MS4A2: variants seen among roughly 807,000 people sequenced by gnomAD.
The protein encoded by MS4A2 is membrane spanning 4-domains A2.
In MS4A2, 26 loss-of-function variants were observed where a neutral mutation model predicts 27.9. That is an observed-to-expected ratio of 0.93 (90% confidence interval 0.68 to 1.29). MS4A2 has a LOEUF of 1.29. Ranked by LOEUF, MS4A2 falls within the 50% of genes most tolerant of loss-of-function variation. The pLI, the probability that MS4A2 is intolerant of heterozygous loss-of-function variation, is 0.00. For missense variants in MS4A2, 284 were observed against 284.6 expected, an observed-to-expected ratio of 1.00 and a Z score of 0.01; for synonymous variants, 110 against 98.8, an observed-to-expected ratio of 1.11 and a Z score of -0.67.
rs557892534 is a variant in MS4A2 at position 60,093,081 on chromosome 11, G to A, written c.378+233G>A. On this transcript the variant is annotated intron_variant, in intron 4 of 6. Transcript: ENST00000278888. ...CAATGAAGTTTATGTTTACCTTGAC[G>A]TTTCTTCTAAAAAAAGTGTCCTCAC... is the stretch of plus-strand genomic sequence containing the variant. Among the ~76,000 whole-genome samples, 7 of 152,144 alleles carry A rather than the reference G, an allele frequency of 4.6e-5. No individual in the cohort carries two copies. The South Asian group carries it at 1.0e-3, about 23-fold the overall frequency.
At chr11:60,090,046 G>T (rs755544243) in intron 2 of MS4A2, among the ~76,000 whole-genome samples, 3 of 152,118 alleles carry the variant, frequency 2.0e-5, no homozygotes, top group Admixed American at 6.6e-5. Flanking sequence ...AGGAGTGAAG[G>T]ATTCATAATC....
Position 60,093,500 on chromosome 11 carries a change from A to G in MS4A2, c.479A>G (p.His160Arg), listed in dbSNP as rs1855807602. 6.2e-7 allele frequency: 1 copy of G among 1,614,218 alleles called. No individual in the cohort carries two copies. Among genetic ancestry groups the G allele is most frequent in the Non-Finnish European group, 8.5e-7 (1 of 1,180,042 alleles). Residue 160 changes from histidine (H) to arginine (R), a missense_variant, in exon 5 of 7, where the codon CAC becomes CGC. His to Arg is a conservative substitution (Grantham distance 29). Coordinates refer to ENST00000278888, the MANE Select transcript of MS4A2 (RefSeq NM_000139.5). ...CTGAAGAAGAGCTTGGCCTATATCC[A>G]CATCCACAGTTGCCAGAAATTTTTT... Reference protein sequence around the residue: ...INLKKSLAYIHIHSCQKFFET... With the variant: ...INLKKSLAYIRIHSCQKFFET...
rs1565073169 is a variant in MS4A2, at chr11:60,088,665, A to G, written c.-101A>G. On this transcript the variant is annotated 5_prime_UTR_variant, in exon 1 of 7. Transcript: ENST00000278888. ...AGAGAATCATCAATGTCATGAGGTA[A>G]CCCATTTCAACTGCCTATTCAGAGC... 1 of 1,549,656 alleles carries G rather than the reference A, an allele frequency of 6.5e-7. No homozygotes were observed. The highest frequency in any genetic ancestry group is 8.7e-7 in the Non-Finnish European group (1 of 1,146,084).
In MS4A2 at chr11:60,090,445, G is replaced by T. The variant is rs1262151486; in HGVS notation, c.296G>T (p.Gly99Val). ...EGDIFSSFKA[G>V]YPFWGAIFFS... is the part of the protein sequence containing the mutation. ...GACATTTTTTCATCATTTAAAGCAG[G>T]TTATCCATTCTGGGGAGCCATATTT... The change falls in exon 3 of 7, where the codon GGT becomes GTT. Residue 99 changes from glycine to valine, a missense_variant. By Grantham distance (109) the Gly-to-Val change is moderately radical. Coordinates refer to ENST00000278888, the MANE Select transcript of MS4A2 (RefSeq NM_000139.5). The T allele has an allele frequency of 1.9e-6, 3 of 1,613,088 alleles. No homozygotes were observed. Among genetic ancestry groups the T allele is most frequent in the Non-Finnish European group, 1.7e-6 (2 of 1,179,842 alleles).
Position 60,095,564 on chromosome 11 carries a change from G to C in MS4A2, c.643G>C (p.Glu215Gln). ...ATGATTTTTCCCTTATCAGGTTCCA[G>C]AGGATCGTGTTTATGAAGAATTAAA... ...GEELKGNKVP[E>Q]DRVYEELNIY... The change falls in exon 7 of 7, where the codon GAG becomes CAG. Residue 215 changes from glutamate (E) to glutamine (Q), a missense_variant. Transcript: ENST00000278888. The C allele has an allele frequency of 6.2e-7, 1 of 1,606,994 alleles. No individual in the cohort carries two copies. Among genetic ancestry groups the C allele is most frequent in the Non-Finnish European group, 8.5e-7 (1 of 1,173,542 alleles).
chr11:60,094,048 C>T lies in MS4A2; in HGVS notation c.622C>T (p.Leu208Phe), dbSNP rs761020841. Residue 208 changes from leucine to phenylalanine, a missense_variant, in exon 6 of 7, where the codon CTC (leucine) becomes TTC (phenylalanine). Transcript: ENST00000278888. ...CACAATCTGTGGAGCTGGGGAAGAA[C>T]TCAAAGGAAACAAGGTAGATAGAAG... Reference protein sequence around the residue: ...SLTICGAGEELKGNKVPEDRV... With the variant: ...SLTICGAGEEFKGNKVPEDRV... The T allele has an allele frequency of 3.1e-6, 5 of 1,612,590 alleles. No individual in the cohort carries two copies. The highest frequency in any genetic ancestry group is 2.2e-5 in the East Asian group (1 of 44,866).
rs1465309647 is a variant in MS4A2, at chr11:60,092,656, T to C, written c.322-136T>C. ...TATAGAAAATAAGAATAAGAAAATATTGGGCTCACAGGTGACATTAATAAG... is the reference window on the plus strand; with the variant it reads ...TATAGAAAATAAGAATAAGAAAATACTGGGCTCACAGGTGACATTAATAAG... On this transcript the variant is annotated intron_variant, in intron 3 of 6. Coordinates refer to ENST00000278888, the MANE Select transcript of MS4A2 (RefSeq NM_000139.5). The C allele has an allele frequency of 5.5e-6, 4 of 729,122 alleles. No homozygotes were observed. The African/African-American group carries it at 7.1e-5, about 13-fold the overall frequency. 45.2% of individuals were successfully genotyped at this position (729,122 alleles called of 1,614,324 possible). A position where few individuals can be genotyped will look rare whatever the true frequency, so the allele number is the denominator to read the frequency against.
Position 60,096,024 on chromosome 11 carries a change from GTTT to G in MS4A2, c.*381_*383del, listed in dbSNP as rs5792168. 8.2e-4 allele frequency: 179 copies of G among 218,666 alleles called. No homozygotes were observed. The highest frequency in any genetic ancestry group is 2.3e-3 in the South Asian group (38 of 16,230). The allele number at this position is 218,666 out of a possible 1,614,324, so 13.5% of individuals were successfully genotyped here. Reference sequence around the variant, plus strand: ...AGTTTGATAATATTTGGTTCTTAGGGTTTTTTTTTTTTTTTAGCATTCTTAATA... The same window carrying G: ...AGTTTGATAATATTTGGTTCTTAGGGTTTTTTTTTTTTAGCATTCTTAATA... On this transcript the variant is annotated 3_prime_UTR_variant, in exon 7 of 7. Coordinates refer to ENST00000278888, the MANE Select transcript of MS4A2 (RefSeq NM_000139.5).
rs1177456640 is a variant in MS4A2 at position 60,095,819 on chromosome 11, C to A, written c.*163C>A. 1.5e-6 allele frequency: 1 copy of A among 646,480 alleles called. No homozygotes were observed. The highest frequency in any genetic ancestry group is 1.8e-5 in the South Asian group (1 of 56,998). The allele number at this position is 646,480 out of a possible 1,614,324, so 40.0% of individuals were successfully genotyped here. A position where few individuals can be genotyped will look rare whatever the true frequency, so the allele number is the denominator to read the frequency against. On this transcript the variant is annotated 3_prime_UTR_variant, in exon 7 of 7. Coordinates refer to ENST00000278888, the MANE Select transcript of MS4A2 (RefSeq NM_000139.5). ...ATTTTGTTTCTGCTGCTTCTGTCCACCTTAATATTCTCCTTCTATTTGTAG... is the reference window on the plus strand; with the variant it reads ...ATTTTGTTTCTGCTGCTTCTGTCCAACTTAATATTCTCCTTCTATTTGTAG...
At position 60,088,799 on chromosome 11, in the gene MS4A2, G is replaced by T; in HGVS notation, c.34G>T (p.Ala12Ser). 6.2e-7 allele frequency: 1 copy of T among 1,612,046 alleles called. No individual in the cohort carries two copies. The highest frequency in any genetic ancestry group is 8.5e-7 in the Non-Finnish European group (1 of 1,178,856). Residue 12 changes from alanine (A) to serine (S), a missense_variant, in exon 1 of 7, where the codon GCT becomes TCT. Transcript: ENST00000278888. The part of the protein sequence containing the change: ...DTESNRRANL[A>S]LPQEPSSVPA... ...AGAAAGTAATAGGAGAGCAAATCTT[G>T]CTCTCCCACAGGAGCCTTCCAGGTA...
Position 60,089,710 on chromosome 11 carries a change from C to A in MS4A2, c.75C>A (p.Val25=). The A allele has an allele frequency of 1.2e-6, 2 of 1,614,144 alleles. No homozygotes were observed. Among genetic ancestry groups the A allele is most frequent in the Non-Finnish European group, 1.7e-6 (2 of 1,180,002 alleles). ...TTCACAGTGTGCCTGCATTTGAAGTCTTGGAAATATCTCCCCAGGAAGTAT... is the reference window on the plus strand; with the variant it reads ...TTCACAGTGTGCCTGCATTTGAAGTATTGGAAATATCTCCCCAGGAAGTAT... ...QEPSSVPAFE[V]LEISPQEVSS... is the part of the protein sequence containing the mutation. The change falls in exon 2 of 7, where the codon GTC becomes GTA. Residue 25 remains valine (V), a synonymous_variant. Transcript: ENST00000278888.
rs1243576653 is a variant in MS4A2, at chr11:60,098,025, G to T, written c.*2369G>T. On this transcript the variant is annotated 3_prime_UTR_variant, in exon 7 of 7. Coordinates refer to ENST00000278888, the MANE Select transcript of MS4A2 (RefSeq NM_000139.5). ...TAACCCTGGTTTACCAGGACCTCTAGGAGTGGATCCAATCTATATCTTTAC... is the reference window on the plus strand; with the variant it reads ...TAACCCTGGTTTACCAGGACCTCTATGAGTGGATCCAATCTATATCTTTAC... The T allele has an allele frequency of 6.6e-6, 1 of 152,156 alleles. No homozygotes were observed. The highest frequency in any genetic ancestry group is 2.4e-5 in the African/African-American group (1 of 41,418). 9.4% of individuals were successfully genotyped at this position (152,156 alleles called of 1,614,324 possible).
intron 3 of MS4A2, 141 bp downstream of exon 3, chr11:60,090,611 C>G: frequency 5.5e-5 from 40 of 729,674 alleles, no homozygotes; most frequent in Non-Finnish European, 8.4e-5. Context: ...GCATATATAA[C>G]ATAGATATGC....
At chr11:60,092,928 T>C (rs1855792998) in intron 4 of MS4A2, 80 bp downstream of exon 4, 1 of 1,322,892 alleles carries the variant, frequency 7.6e-7, no homozygotes, top group Non-Finnish European at 1.1e-6. Context: ...GGGAAACACA[T>C]CTTTGTCTCC....
rs746461955 is a variant in MS4A2 at position 60,090,321 on chromosome 11, T to C, written c.187-15T>C. The C allele has an allele frequency of 1.9e-6, 3 of 1,611,576 alleles. No individual in the cohort carries two copies. In the African/African-American group the frequency reaches 4.0e-5, roughly 22 times the overall value. ...ATTTTTTTGATTTTCATGAAATTCA[T>C]GTGTTTTTCTATAGGTAACACAAAT... On this transcript the variant is annotated splice_polypyrimidine_tract_variant and intron_variant, in intron 2 of 6. Coordinates refer to ENST00000278888, the MANE Select transcript of MS4A2 (RefSeq NM_000139.5).
rs1465918425 is a variant in MS4A2 at position 60,096,589 on chromosome 11, G to C, written c.*933G>C. 2 of 152,134 alleles carry C rather than the reference G, an allele frequency of 1.3e-5. No individual in the cohort carries two copies. Among genetic ancestry groups the C allele is most frequent in the South Asian group, 2.1e-4 (1 of 4,828 alleles). 9.4% of individuals were successfully genotyped at this position (152,134 alleles called of 1,614,324 possible). A position where few individuals can be genotyped will look rare whatever the true frequency, so the allele number is the denominator to read the frequency against. On this transcript the variant is annotated 3_prime_UTR_variant, in exon 7 of 7. Transcript: ENST00000278888. Reference sequence around the variant, plus strand: ...AAGGAGAACACTGGTTATGTTGATAGAATGATAAAAAGGGTCGGGCGCGGA... The same window carrying C: ...AAGGAGAACACTGGTTATGTTGATACAATGATAAAAAGGGTCGGGCGCGGA...
intron 4 of MS4A2, 93 bp downstream of exon 4, chr11:60,092,941 TA>T: frequency 1.6e-6 from 2 of 1,225,856 alleles, no homozygotes; most frequent in Non-Finnish European, 2.4e-6. Context: ...TTGTCTCCTA[TA>T]TTACTTGTGA....
rs1855861121 is a variant in MS4A2, at chr11:60,095,885, A to G, written c.*229A>G. ...ATTTTTCTTGTTTTATATTATGACCACACACATCTCTGCTGGAAAGTCAAC... is the reference window on the plus strand; with the variant it reads ...ATTTTTCTTGTTTTATATTATGACCGCACACATCTCTGCTGGAAAGTCAAC... On this transcript the variant is annotated 3_prime_UTR_variant, in exon 7 of 7. Coordinates refer to ENST00000278888, the MANE Select transcript of MS4A2 (RefSeq NM_000139.5). 1.9e-6 allele frequency: 1 copy of G among 536,048 alleles called. No homozygotes were observed. Among genetic ancestry groups the G allele is most frequent in the Non-Finnish European group, 3.3e-6 (1 of 299,278 alleles). 33.2% of individuals were successfully genotyped at this position (536,048 alleles called of 1,614,324 possible).
intron 1 of MS4A2, 106 bp from the exon 2 acceptor site, chr11:60,089,586 G>A: frequency 6.9e-7 from 1 of 1,445,700 alleles, no homozygotes; most frequent in South Asian, 1.2e-5. Context: ...TTGAATTACA[G>A]GATGGCTTTG....
Sources: allele counts gnomAD v4.1 joint callset (sites outside exome capture counted in the v4.1 genomes callset), GRCh38; gene constraint gnomAD v4.1.1; transcripts MANE v1.5; gene names NCBI Gene and HGNC (gene_info 2026-07-23, HGNC 2026-07-21).